The following PXDNL variants were observed in gnomAD, a reference collection of about 807,000 sequenced individuals.
PXDNL encodes the protein peroxidasin like.
Under a neutral mutation model 150.8 loss-of-function variants are expected in PXDNL, and 145 were observed. The observed-to-expected ratio is 0.96, with a 90% confidence interval of 0.84 to 1.10. The LOEUF is 1.10. PXDNL is among the 50% of genes least tolerant of loss of function. The pLI, the probability that PXDNL is intolerant of heterozygous loss-of-function variation, is 0.00. For synonymous variants in PXDNL, 757 were observed against 725.7 expected, an observed-to-expected ratio of 1.04 and a Z score of -0.69; for missense variants, 2,087 against 1,873.9, an observed-to-expected ratio of 1.11 and a Z score of -2.10.
chr8:51,429,369 C>G (rs542027200), intron 12 of PXDNL, among the ~76,000 whole-genome samples: 2 of 152,250 alleles, frequency 1.3e-5, no homozygotes, highest in South Asian at 4.1e-4. Context: ...CACCTGAGGT[C>G]AAGAGTTTGA....
chr8:51,764,135 C>T (rs919231592), intron 1 of PXDNL, among the ~76,000 whole-genome samples: 4 of 151,982 alleles, frequency 2.6e-5, no homozygotes, highest in African/African-American at 9.7e-5. Flanking sequence ...TCTATAATTT[C>T]AGAAATAATG....
chr8:51,540,073 T>G (rs1167169599), intron 4 of PXDNL, among the ~76,000 whole-genome samples: 1 of 151,980 alleles, frequency 6.6e-6, no homozygotes, highest in Non-Finnish European at 1.5e-5. Context: ...AAATTTTGTA[T>G]TTTTAGTAGA....
At chr8:51,550,925 T>C (rs917168173) in intron 4 of PXDNL, among the ~76,000 whole-genome samples, 1 of 152,130 alleles carries the variant, frequency 6.6e-6, no homozygotes, top group Non-Finnish European at 1.5e-5. Flanking sequence ...TAAAGGCTCA[T>C]CCAAAGAGCT....
At chr8:51,337,196 T>A (rs1043210419) in intron 21 of PXDNL, among the ~76,000 whole-genome samples, 1 of 152,202 alleles carries the variant, frequency 6.6e-6, no homozygotes, top group Admixed American at 6.5e-5. Flanking sequence ...AAAACATACA[T>A]CTCTGGGATG....
chr8:51,539,833 T>C (rs58224916), intron 4 of PXDNL, among the ~76,000 whole-genome samples: 7,937 of 152,274 alleles, frequency 0.052, 497 homozygotes, highest in African/African-American at 0.15. Context: ...TGTATCTTCT[T>C]CCTTTTTTAT....
intron 17 of PXDNL, 50 bp from the exon 18 acceptor site, chr8:51,374,781 T>C: frequency 6.3e-7 from 1 of 1,588,342 alleles, no homozygotes; most frequent in African/African-American, 1.3e-5. Flanking sequence ...AAAGTGGAAT[T>C]GAAAATATTC....
chr8:51,517,114 C>T (rs1168572220), intron 4 of PXDNL, among the ~76,000 whole-genome samples: 1 of 152,092 alleles, frequency 6.6e-6, no homozygotes, highest in Non-Finnish European at 1.5e-5. Flanking sequence ...ATGCTCAGCT[C>T]TGATTGAATA....
chr8:51,701,879 G>A (rs1309141636), intron 1 of PXDNL, among the ~76,000 whole-genome samples: 1 of 152,122 alleles, frequency 6.6e-6, no homozygotes, highest in Non-Finnish European at 1.5e-5. Flanking sequence ...AAATCTTGAA[G>A]CCAGTGGTTC....
intron 2 of PXDNL, among the ~76,000 whole-genome samples, chr8:51,631,537 C>T (rs545003252): frequency 5.3e-5 from 8 of 152,208 alleles, no homozygotes; most frequent in African/African-American, 1.7e-4. Flanking sequence ...TAGAGGGAAT[C>T]TTTTGAGCTG....
chr8:51,749,746 G>A (rs186668238), intron 1 of PXDNL, among the ~76,000 whole-genome samples: 11 of 152,198 alleles, frequency 7.2e-5, no homozygotes, highest in African/African-American at 2.6e-4. Context: ...CTGTTACCAG[G>A]CTGGAGTGCA....
chr8:51,359,626 TC>T (rs574022043), intron 19 of PXDNL, among the ~76,000 whole-genome samples: 58 of 152,298 alleles, frequency 3.8e-4, no homozygotes, highest in African/African-American at 1.3e-3. Context: ...TGTATAAATT[TC>T]CCCTTGTTGA....
Position 51,409,154 on chromosome 8 carries a change from C to A in PXDNL, c.2470G>T (p.Ala824Ser). Residue 824 changes from alanine (A) to serine (S), a missense_variant, in exon 17 of 23, where the codon GCC becomes TCC. Coordinates refer to ENST00000356297, the MANE Select transcript of PXDNL (RefSeq NM_144651.5). ...LDHTVPALSTARFSDGRPCSS... is the reference protein window; with the variant it reads ...LDHTVPALSTSRFSDGRPCSS... ...CACGGCCGCCCATCCGAGAAGCGGGCTGTGCTCAGCGCAGGCACTGTGTGG... is the reference window on the plus strand; with the variant it reads ...CACGGCCGCCCATCCGAGAAGCGGGATGTGCTCAGCGCAGGCACTGTGTGG... The A allele has an allele frequency of 6.2e-7, 1 of 1,601,906 alleles. No homozygotes were observed.
intron 4 of PXDNL, among the ~76,000 whole-genome samples, chr8:51,549,518 C>A (rs1343899367): frequency 1.1e-4 from 16 of 152,058 alleles, no homozygotes; most frequent in Admixed American, 1.0e-3. Flanking sequence ...TGGAAATTCA[C>A]TCTAAAAGGA....
chr8:51,470,364 A>G (rs1253526390), intron 8 of PXDNL, among the ~76,000 whole-genome samples: 1 of 152,098 alleles, frequency 6.6e-6, no homozygotes, highest in African/African-American at 2.4e-5. Context: ...ATAAATCCAA[A>G]TTACACACAA....
intron 1 of PXDNL, among the ~76,000 whole-genome samples, chr8:51,681,734 A>G (rs1815754479): frequency 6.6e-6 from 1 of 152,264 alleles, no homozygotes; most frequent in Non-Finnish European, 1.5e-5. Context: ...AATTGAAGCC[A>G]TAGCTTTACT....
chr8:51,485,136 G>C (rs915129387), intron 5 of PXDNL, among the ~76,000 whole-genome samples: 2 of 152,194 alleles, frequency 1.3e-5, no homozygotes, highest in Admixed American at 6.5e-5. Context: ...TATGTTTTTG[G>C]CTTTATTTTA....
At chr8:51,804,375 T>G (rs547290935) in intron 1 of PXDNL, among the ~76,000 whole-genome samples, 1 of 152,268 alleles carries the variant, frequency 6.6e-6, no homozygotes, top group East Asian at 1.9e-4. Context: ...CCTTTCCCTT[T>G]AGCTTAGTGA....
chr8:51,468,574 C>T (rs35233257), intron 8 of PXDNL, among the ~76,000 whole-genome samples: 25,592 of 151,636 alleles, frequency 0.17, 2,301 homozygotes, highest in Admixed American at 0.2. Context: ...ACTGTTTTCA[C>T]GAATGTATTT....
At chr8:51,449,684 A>G (rs115492761) in intron 10 of PXDNL, among the ~76,000 whole-genome samples, 1,944 of 152,352 alleles carry the variant, frequency 0.013, 36 homozygotes, top group African/African-American at 0.045. Context: ...TAATAGCTGC[A>G]TATGCCATTC....
Sources: allele counts gnomAD v4.1 joint callset (sites outside exome capture counted in the v4.1 genomes callset), GRCh38; gene constraint gnomAD v4.1.1; transcripts MANE v1.5; gene names NCBI Gene and HGNC (gene_info 2026-07-23, HGNC 2026-07-21).